The following ABHD12 variants were observed in gnomAD, a reference collection of about 807,000 sequenced individuals.
The protein encoded by ABHD12 is abhydrolase domain containing 12, lysophospholipase.
A neutral mutation model predicts 58.3 loss-of-function variants in ABHD12; 43 were observed. The ratio of observed to expected loss-of-function variants is 0.74; its 90% CI spans 0.58 to 0.95. The LOEUF (loss-of-function observed/expected upper bound fraction) is 0.95, where lower values mean the gene tolerates loss of function less well. Ranked by LOEUF, ABHD12 falls within the 40% of genes least tolerant of loss-of-function variation. The pLI is 0.00. For missense variants in ABHD12, 539 were observed against 537.2 expected, an observed-to-expected ratio of 1.00 and a Z score of -0.03; for synonymous variants, 219 against 211.2, an observed-to-expected ratio of 1.04 and a Z score of -0.32.
At chr20:25,320,551 C>T (rs1008206361) in intron 3 of ABHD12, among the ~76,000 whole-genome samples, 2 of 152,198 alleles carry the variant, frequency 1.3e-5, no homozygotes, top group African/African-American at 2.4e-5. Context: ...TCAGCAGGAG[C>T]GTTCCCTGAC....
At chr20:25,381,344 C>T (rs1323297876) in intron 1 of ABHD12, among the ~76,000 whole-genome samples, 1 of 152,204 alleles carries the variant, frequency 6.6e-6, no homozygotes, top group African/African-American at 2.4e-5. Flanking sequence ...TCTGCCTCCC[C>T]TACCAGAATG....
chr20:25,354,141 A>G (rs534399985), intron 1 of ABHD12, among the ~76,000 whole-genome samples: 1 of 152,374 alleles, frequency 6.6e-6, no homozygotes, highest in East Asian at 1.9e-4. Flanking sequence ...CTAAGTGAAT[A>G]AACAAATGGG....
chr20:25,363,201 A>T (rs1254611187), intron 1 of ABHD12, among the ~76,000 whole-genome samples: 2 of 151,892 alleles, frequency 1.3e-5, no homozygotes, highest in Non-Finnish European at 2.9e-5. Flanking sequence ...CCAGCAGTAA[A>T]TAAAATGATT....
intron 11 of ABHD12, 27 bp from the exon 12 acceptor site, chr20:25,302,373 G>A (rs758755514): frequency 6.2e-7 from 1 of 1,612,060 alleles, no homozygotes; most frequent in Non-Finnish European, 8.5e-7. Flanking sequence ...CAGAGCCTGA[G>A]GCAGTGGCCT....
intron 1 of ABHD12, among the ~76,000 whole-genome samples, chr20:25,387,865 A>AC (rs1467674575): frequency 6.6e-6 from 1 of 151,854 alleles, no homozygotes; most frequent in Non-Finnish European, 1.5e-5. Flanking sequence ...ACATGGTGAA[A>AC]CCCCGTCTCT....
intron 1 of ABHD12, chr20:25,368,570 A>T: frequency 7.1e-7 from 1 of 1,403,626 alleles, no homozygotes; most frequent in Non-Finnish European, 1.0e-6. Context: ...ATGGGTGTGA[A>T]GTCACCACCC....
At chr20:25,339,093 A>T (rs1765628633) in intron 2 of ABHD12, 134 bp downstream of exon 2, 1 of 1,464,098 alleles carries the variant, frequency 6.8e-7, no homozygotes, top group African/African-American at 1.4e-5. Flanking sequence ...TAAACTGTAC[A>T]CTTAAGATAT....
At chr20:25,294,839 C>A in exon 13 of ABHD12, 1 of 908,972 alleles carries the variant, frequency 1.1e-6, no homozygotes, top group Non-Finnish European at 1.8e-6. Flanking sequence ...CAGCTCAGGG[C>A]AGTTCTTCAC....
Position 25,390,560 on chromosome 20 carries a change from AGCC to A in ABHD12, c.141_143del (p.Ala48del), listed in dbSNP as rs1378870508. On this transcript the variant is annotated inframe_deletion, in exon 1 of 13. Transcript: ENST00000339157. ...CCGCGTCGGCTGCGCAGCGCGGCTCAGCCGCCGCCGGGCCCGTCAGGCGTAGGT... is the reference window on the plus strand; with the variant it reads ...CCGCGTCGGCTGCGCAGCGCGGCTCAGCCGCCGGGCCCGTCAGGCGTAGGT... 1.4e-6 allele frequency: 2 copies of A among 1,448,346 alleles called. No homozygotes were observed. The highest frequency in any genetic ancestry group is 2.3e-5 in the Admixed American group (1 of 43,552). The allele number at this position is 1,448,346 out of a possible 1,614,324, so 89.7% of individuals were successfully genotyped here. A position where few individuals can be genotyped will look rare whatever the true frequency, so the allele number is the denominator to read the frequency against.
intron 1 of ABHD12, among the ~76,000 whole-genome samples, chr20:25,366,407 CAGGCATGTGCCA>C (rs1252214656): frequency 3.3e-5 from 5 of 152,100 alleles, no homozygotes; most frequent in African/African-American, 1.2e-4. Context: ...GCTAGGATTA[CAGGCATGTGCCA>C]ACATGCCTGG....
At chr20:25,380,377 G>C (rs779935189) in intron 1 of ABHD12, among the ~76,000 whole-genome samples, 5 of 152,042 alleles carry the variant, frequency 3.3e-5, no homozygotes, top group African/African-American at 1.2e-4. Context: ...TATCAATATA[G>C]TGGGCTGCCT....
exon 13 of ABHD12, chr20:25,294,892 G>T: frequency 1.3e-6 from 2 of 1,499,768 alleles, no homozygotes; most frequent in Non-Finnish European, 1.9e-6. Context: ...GAATTCACCT[G>T]CCCTCCACTT....
intron 10 of ABHD12, among the ~76,000 whole-genome samples, chr20:25,305,574 G>T (rs1600765508): frequency 6.6e-6 from 1 of 151,656 alleles, no homozygotes; most frequent in Non-Finnish European, 1.5e-5. Flanking sequence ...TGTTAGCCAG[G>T]ATGGTCTCGA....
chr20:25,303,700 A>G, intron 10 of ABHD12, 72 bp from the exon 11 acceptor site: 2 of 1,601,034 alleles, frequency 1.2e-6, no homozygotes, highest in Non-Finnish European at 1.7e-6. Flanking sequence ...TGTCCATGGC[A>G]GGGATCTGGG....
At chr20:25,306,936 AT>A (rs2088754669) in intron 9 of ABHD12, 21 bp from the exon 10 acceptor site, 1 of 1,564,534 alleles carries the variant, frequency 6.4e-7, no homozygotes, top group Non-Finnish European at 8.8e-7. Context: ...GATGGAAACC[AT>A]TTTCAGAAGC....
At chr20:25,384,948 A>G (rs2090068941) in intron 1 of ABHD12, among the ~76,000 whole-genome samples, 6 of 152,174 alleles carry the variant, frequency 3.9e-5, no homozygotes, top group Admixed American at 3.9e-4. Context: ...GATGGAGCAC[A>G]AAACATGTGT....
intron 10 of ABHD12, among the ~76,000 whole-genome samples, chr20:25,305,976 G>A (rs150020944): frequency 0.013 from 1,955 of 152,102 alleles, 44 homozygotes; most frequent in African/African-American, 0.044. Context: ...GACCAGCCCG[G>A]CCAACATGGT....
intron 1 of ABHD12, among the ~76,000 whole-genome samples, chr20:25,354,810 C>T (rs1339897134): frequency 6.6e-6 from 1 of 152,106 alleles, no homozygotes; most frequent in Non-Finnish European, 1.5e-5. Flanking sequence ...CAGCTTTTGA[C>T]TGTCGTATTT....
At chr20:25,348,962 T>G (rs1309603143) in intron 1 of ABHD12, among the ~76,000 whole-genome samples, 1 of 151,640 alleles carries the variant, frequency 6.6e-6, no homozygotes, top group Non-Finnish European at 1.5e-5. Flanking sequence ...CAGGCGCCTG[T>G]AGTCCCAGCC....
Sources: gnomAD v4.1 joint callset for allele counts (sites outside exome capture counted in the v4.1 genomes callset) on GRCh38, gnomAD v4.1.1 for gene constraint, MANE v1.5 for transcripts, NCBI Gene and HGNC (gene_info 2026-07-23, HGNC 2026-07-21) for gene names.